DET1: variants seen among roughly 807,000 people sequenced by gnomAD.
The protein encoded by DET1 is DET1 homolog.
Under a neutral mutation model 43.7 loss-of-function variants are expected in DET1, and 22 were observed. The observed-to-expected ratio is 0.50, with a 90% CI of 0.36 to 0.72. The LOEUF is 0.72. Ranked by LOEUF, DET1 falls within the 30% of genes least tolerant of loss-of-function variation. The pLI is 0.00. For synonymous variants in DET1, 315 were observed against 266.2 expected (o/e 1.18, Z -1.79); for missense variants, 713 against 713.3 (o/e 1.00, Z 0.00).
intron 1 of DET1, among the ~76,000 whole-genome samples, chr15:88,545,329 C>A (rs1251348662): frequency 6.6e-6 from 1 of 152,236 alleles, no homozygotes; most frequent in South Asian, 2.1e-4. Flanking sequence ...CCCACCCAAG[C>A]CAATCGGGCC....
In DET1 at chr15:88,512,838, T is replaced by C. The variant is rs1379961967; in HGVS notation, c.*113A>G. 6.7e-7 allele frequency: 1 copy of C among 1,489,776 alleles called. No individual in the cohort carries two copies. The highest frequency in any genetic ancestry group is 8.9e-7 in the Non-Finnish European group (1 of 1,118,138). The allele number at this position is 1,489,776 out of a possible 1,614,324, so 92.3% of individuals were successfully genotyped here. On this transcript the variant is annotated 3_prime_UTR_variant, in exon 5 of 5. Transcript: ENST00000268148. ...CTCTGGCTCTCTCCCATCTGAGGTA[T>C]AGCAGGCTGGAACTAACAGAGCTAG...
Position 88,531,103 on chromosome 15 carries a change from G to A in DET1, c.603C>T (p.Gly201=). 6.2e-7 allele frequency: 1 copy of A among 1,613,950 alleles called. No homozygotes were observed. Among genetic ancestry groups the A allele is most frequent in the Admixed American group, 1.7e-5 (1 of 60,020 alleles). Reference sequence around the variant, plus strand: ...TGAACGTGCGTGTATCACATAAGCGGCCGGTGTGAAGGTCAATGATATGGA... The same window carrying A: ...TGAACGTGCGTGTATCACATAAGCGACCGGTGTGAAGGTCAATGATATGGA... ...YSLHIIDLHT[G]RLCDTRTFKC... The change falls in exon 2 of 5, where the codon GGC becomes GGT. Residue 201 remains glycine, a synonymous_variant. Transcript: ENST00000268148. The surrounding 1 kb of genome is among the most constrained non-coding windows in gnomAD (Gnocchi z 6.2).
In DET1 at chr15:88,516,936, G is replaced by A. The variant is rs186383921; in HGVS notation, c.1309C>T (p.His437Tyr). ...DTIINAKYGG[H>Y]TEAVRRLLGQ... ...AGCAGCCGGCGTACTGCCTCTGTGT[G>A]CCCTCCATACTTGGCATTTATAATA... is the stretch of plus-strand genomic sequence containing the variant. Residue 437 changes from histidine (H) to tyrosine (Y), a missense_variant, in exon 4 of 5, where the codon CAC (histidine) becomes TAC (tyrosine). Physicochemically the swap from His to Tyr is moderately conservative, Grantham distance 83 (BLOSUM62 2). Coordinates refer to ENST00000268148, the MANE Select transcript of DET1 (RefSeq NM_001144074.3). This position sits in a 1 kb window ranked among gnomAD's most constrained non-coding sequence, Gnocchi z 4.4. The A allele has an allele frequency of 3.7e-6, 6 of 1,605,898 alleles. No individual in the cohort carries two copies. The Admixed American group carries it at 5.1e-5, about 14-fold the overall frequency.
intron 1 of DET1, among the ~76,000 whole-genome samples, chr15:88,545,382 C>G (rs2057223670): frequency 6.6e-6 from 1 of 152,166 alleles, no homozygotes; most frequent in Admixed American, 6.5e-5. Context: ...AACCCCCTGA[C>G]AAAGTTGATT....
Position 88,504,896 on chromosome 15 carries a change from A to C in DET1, c.*2066-909T>G, listed in dbSNP as rs1233686765. 1 of 152,224 alleles carries C rather than the reference A, an allele frequency of 6.6e-6. No individual in the cohort carries two copies. The highest frequency in any genetic ancestry group is 1.5e-5 in the Non-Finnish European group (1 of 68,054). The allele number at this position is 152,224 out of a possible 1,614,324, so 9.4% of individuals were successfully genotyped here. On this transcript the variant is annotated intron_variant and NMD_transcript_variant, in intron 7 of 8. Transcript: ENST00000557842. The surrounding 1 kb of genome is among the most constrained non-coding windows in gnomAD (Gnocchi z 4.7). ...TCCAGGTGCTTACCCATGGCCCTGC[A>C]TGCATACCACGCCTTCAATTTCTAG... is the stretch of plus-strand genomic sequence containing the variant.
In DET1 at chr15:88,513,016, T is replaced by G. The variant is rs750889030; in HGVS notation, c.1588A>C (p.Ile530Leu). Residue 530 changes from isoleucine (I) to leucine (L), a missense_variant, in exon 5 of 5, where the codon ATT (isoleucine) becomes CTT (leucine). Physicochemically the swap from Ile to Leu is conservative, Grantham distance 5. Transcript: ENST00000268148. Reference protein sequence around the residue: ...FTFHPFEPFAISVQRTNAEYV... With the variant: ...FTFHPFEPFALSVQRTNAEYV... ...TCAGCATTAGTCCTCTGCACAGAAA[T>G]AGCGAAAGGCTCAAAAGGGTGAAAG... 6.2e-7 allele frequency: 1 copy of G among 1,614,016 alleles called. No homozygotes were observed. Among genetic ancestry groups the G allele is most frequent in the Non-Finnish European group, 8.5e-7 (1 of 1,179,888 alleles).
At chr15:88,517,417 G>T (rs1410131417) in intron 3 of DET1, among the ~76,000 whole-genome samples, 2 of 151,866 alleles carry the variant, frequency 1.3e-5, no homozygotes, top group East Asian at 3.9e-4. Flanking sequence ...ATAGAGATGG[G>T]ATTTTGCCAT....
chr15:88,535,186 T>C (rs1045547913), intron 1 of DET1, among the ~76,000 whole-genome samples: 4 of 152,142 alleles, frequency 2.6e-5, no homozygotes, highest in African/African-American at 9.7e-5. Context: ...TTCCATAGAC[T>C]CTAGTAAAAT....
chr15:88,512,969 C>A lies in DET1; in HGVS notation c.1635G>T (p.Met545Ile), dbSNP rs774211122. 1 of 1,614,018 alleles carries A rather than the reference C, an allele frequency of 6.2e-7. No homozygotes were observed. The highest frequency in any genetic ancestry group is 8.5e-7 in the Non-Finnish European group (1 of 1,179,878). ...TNAEYVVNFH[M>I]RHCCT Reference sequence around the variant, plus strand: ...GAGGCACCTACGTGCAGCAGTGTCGCATATGGAAGTTGACAACATACTCAG... The same window carrying A: ...GAGGCACCTACGTGCAGCAGTGTCGAATATGGAAGTTGACAACATACTCAG... Residue 545 changes from methionine (M) to isoleucine (I), a missense_variant, in exon 5 of 5, where the codon ATG (methionine) becomes ATT (isoleucine). Transcript: ENST00000268148.
chr15:88,522,516 T>A lies in DET1; in HGVS notation c.1271+5083A>T, dbSNP rs973644370. ...ATTGTTCTAGGAATGTTCCTGGTTT[T>A]TTTTTTTTTTTGAGTTGGAGTCTCG... On this transcript the variant is annotated intron_variant, in intron 3 of 4. Coordinates refer to ENST00000268148, the MANE Select transcript of DET1 (RefSeq NM_001144074.3). 4.2e-3 allele frequency among the ~76,000 whole-genome samples: 565 copies of A among 135,868 alleles called. 15 individuals are homozygous for A. Among genetic ancestry groups the A allele is most frequent in the African/African-American group, 0.015 (536 of 35,492 alleles). 89.1% of individuals were successfully genotyped at this position (135,868 alleles called of 152,430 possible). A position where few individuals can be genotyped will look rare whatever the true frequency, so the allele number is the denominator to read the frequency against.
At chr15:88,533,987 G>T (rs868807628) in intron 1 of DET1, among the ~76,000 whole-genome samples, 40 of 151,634 alleles carry the variant, frequency 2.6e-4, no homozygotes, top group African/African-American at 8.9e-4. Flanking sequence ...AGGTGCTGTT[G>T]AATGGGTTAG....
downstream of DET1, among the ~76,000 whole-genome samples, chr15:88,507,670 G>T (rs1358417723): frequency 6.6e-6 from 1 of 152,178 alleles, no homozygotes; most frequent in African/African-American, 2.4e-5. Context: ...CTTTTTTGAG[G>T]ATGTCAGTGA....
At position 88,514,046 on chromosome 15, in the gene DET1, G is replaced by A. The variant is rs181493841; in HGVS notation, c.1464-906C>T. Among the ~76,000 whole-genome samples, 117 of 149,824 alleles carry A rather than the reference G, an allele frequency of 7.8e-4. 1 individual carries two copies. Among genetic ancestry groups the A allele is most frequent in the African/African-American group, 2.1e-3 (84 of 39,628 alleles). On this transcript the variant is annotated intron_variant, in intron 4 of 4. Coordinates refer to ENST00000268148, the MANE Select transcript of DET1 (RefSeq NM_001144074.3). ...GATCTCCTGACCTCGTGATCCGCCC[G>A]CCTCGGCCTCCCAAAGTGCTGGGAT...
intron 1 of DET1, among the ~76,000 whole-genome samples, chr15:88,535,779 A>AAGG (rs1567071627): frequency 6.6e-6 from 1 of 151,150 alleles, no homozygotes; most frequent in African/African-American, 2.4e-5. Context: ...AGAAAGAAAG[A>AAGG]AAGGAAGGAA....
chr15:88,546,488 C>G (rs527486346), intron 1 of DET1, 52 bp downstream of exon 1: 1 of 152,390 alleles, frequency 6.6e-6, no homozygotes, highest in Non-Finnish European at 1.5e-5. Flanking sequence ...AGGAGCCTGC[C>G]GGGGAGGGTC....
intron 3 of DET1, among the ~76,000 whole-genome samples, chr15:88,526,028 C>T (rs1358340977): frequency 6.6e-6 from 1 of 151,942 alleles, no homozygotes; most frequent in Non-Finnish European, 1.5e-5. Context: ...AAAGAAAATT[C>T]ATCCCAAAAT....
chr15:88,509,676 G>C (rs1034446876), downstream of DET1, among the ~76,000 whole-genome samples: 6 of 152,214 alleles, frequency 3.9e-5, no homozygotes, highest in Non-Finnish European at 5.9e-5. Context: ...TGGTATCCCA[G>C]CAAAGGCTAG....
In DET1 at chr15:88,527,629, C is replaced by G; in HGVS notation, c.1241G>C (p.Ser414Thr). ...CTGGATCTGCCTTGCAAAATTGTTG[C>G]TAGAAGCTGAGCAGGGAAACTGAAC... is the stretch of plus-strand genomic sequence containing the variant. ...SEVQFPCSAS[S>T]NNFARQIQRR... Residue 414 changes from serine (S) to threonine (T), a missense_variant, in exon 3 of 5, where the codon AGC becomes ACC. Transcript: ENST00000268148. 1.2e-6 allele frequency: 2 copies of G among 1,609,994 alleles called. No homozygotes were observed. The highest frequency in any genetic ancestry group is 1.7e-6 in the Non-Finnish European group (2 of 1,177,802).
At chr15:88,506,481 C>A (rs554665767) in intron 7 of DET1, among the ~76,000 whole-genome samples, 21 of 150,658 alleles carry the variant, frequency 1.4e-4, no homozygotes, top group African/African-American at 5.1e-4. Context: ...ATATACTGAG[C>A]AGATAAATGC....
Sources: allele counts gnomAD v4.1 joint callset (sites outside exome capture counted in the v4.1 genomes callset), GRCh38; gene constraint gnomAD v4.1.1; non-coding constraint Gnocchi (gnomAD v3.1); transcripts MANE v1.5; gene names NCBI Gene and HGNC (gene_info 2026-07-23, HGNC 2026-07-21).